Variants in DMXL2 observed in about 807,000 individuals in gnomAD.
DMXL2 encodes dmX-like protein 2.
A neutral mutation model predicts 331.1 loss-of-function variants in DMXL2; 103 were observed. That is an observed-to-expected ratio of 0.31 (90% CI 0.27 to 0.37). The LOEUF (loss-of-function observed/expected upper bound fraction) is 0.37. Among genes scored for constraint, DMXL2 ranks in the 10% least tolerant of loss-of-function variants. DMXL2 has a pLI of 1.00. For synonymous variants in DMXL2, 1,281 were observed against 1,252.1 expected (o/e 1.02, Z -0.49); for missense variants, 3,171 against 3,642.9 (o/e 0.87, Z 3.33).
chr15:51,461,161 A>G (rs566135324), intron 33 of DMXL2, among the ~76,000 whole-genome samples: 1 of 152,348 alleles, frequency 6.6e-6, no homozygotes, highest in East Asian at 1.9e-4. Context: ...TGATGCTTAT[A>G]TAGCACTTTA....
chr15:51,527,162 A>G (rs1408072604), intron 13 of DMXL2, among the ~76,000 whole-genome samples: 1 of 152,140 alleles, frequency 6.6e-6, no homozygotes, highest in African/African-American at 2.4e-5. Context: ...GAAACAAATA[A>G]CATACAGTGG....
chr15:51,591,059 T>C (rs2052277208), intron 1 of DMXL2, among the ~76,000 whole-genome samples: 1 of 152,160 alleles, frequency 6.6e-6, no homozygotes. Context: ...CGGGTTCATC[T>C]CACTGGGGAG....
chr15:51,515,942 G>A (rs562656705), intron 14 of DMXL2, among the ~76,000 whole-genome samples: 1 of 152,264 alleles, frequency 6.6e-6, no homozygotes, highest in East Asian at 1.9e-4. Flanking sequence ...GGGCACTGGG[G>A]ATTAAAAAGT....
chr15:51,537,453 A>C, intron 11 of DMXL2, 35 bp downstream of exon 11: 3 of 1,540,056 alleles, frequency 1.9e-6, no homozygotes, highest in Non-Finnish European at 1.8e-6. Context: ...TACTATTTTA[A>C]GAAATGTAAT....
At chr15:51,457,615 C>A in intron 36 of DMXL2, 149 bp from the exon 37 acceptor site, 1 of 856,966 alleles carries the variant, frequency 1.2e-6, no homozygotes, top group Non-Finnish European at 1.8e-6. Context: ...TCCTAATCGC[C>A]AATGTTAATA....
intron 5 of DMXL2, among the ~76,000 whole-genome samples, chr15:51,563,753 T>A (rs1450298025): frequency 2.0e-5 from 3 of 152,056 alleles, no homozygotes; most frequent in East Asian, 3.9e-4. Flanking sequence ...CATCCCTGAC[T>A]AGTCTTCGTC....
chr15:51,575,989 TAAG>T, intron 2 of DMXL2, 64 bp downstream of exon 2: 1 of 1,457,102 alleles, frequency 6.9e-7, no homozygotes, highest in Non-Finnish European at 9.4e-7. Flanking sequence ...CATAAAAGGA[TAAG>T]AAGATTCTGA....
At chr15:51,535,146 G>A (rs558787345) in intron 13 of DMXL2, among the ~76,000 whole-genome samples, 2 of 152,140 alleles carry the variant, frequency 1.3e-5, no homozygotes, top group East Asian at 3.9e-4. Flanking sequence ...TGTTTTTATA[G>A]GTAAATGGAA....
Position 51,480,099 on chromosome 15 carries a change from G to T in DMXL2, c.6605C>A (p.Pro2202His). The change falls in exon 25 of 44, where the codon CCT (proline) becomes CAT (histidine). Residue 2202 changes from proline (P) to histidine (H), a missense_variant. By Grantham distance (77) the Pro-to-His change is moderately conservative (BLOSUM62 -2). Around this residue, in one of 7 missense-constraint regions of DMXL2, gnomAD observed 197 missense variants for 196.2 expected, o/e 1.00. Transcript: ENST00000560891. The stretch of plus-strand genomic sequence containing the variant: ...TGCTGAAAGCAGAGGTAGGGTGGTA[G>T]GCAGTGGTAGTGGAGACTGGAGCTG... ...VKQLQSPLPL[P>H]TTLPLLSASI... The T allele has an allele frequency of 6.3e-7, 1 of 1,590,200 alleles. No homozygotes were observed. Among genetic ancestry groups the T allele is most frequent in the Non-Finnish European group, 8.6e-7 (1 of 1,161,640 alleles).
intron 1 of DMXL2, among the ~76,000 whole-genome samples, chr15:51,587,582 G>A (rs1479580463): frequency 5.3e-5 from 8 of 152,108 alleles, no homozygotes; most frequent in Admixed American, 6.6e-5. Context: ...TGGATATTTG[G>A]GTTGGTTCCA....
chr15:51,572,374 C>T (rs1405940629), intron 2 of DMXL2, among the ~76,000 whole-genome samples: 1 of 152,024 alleles, frequency 6.6e-6, no homozygotes, highest in Non-Finnish European at 1.5e-5. Context: ...GAGCTGGTAC[C>T]ATTCCTTCTG....
In DMXL2 at chr15:51,503,049, A is replaced by T. The variant is rs763449660; in HGVS notation, c.2765-16T>A. Reference sequence around the variant, plus strand: ...GAAGCTTTAGCTTTAAAAATAAATTATAAAATTACAAAATGTATGTATATC... The same window carrying T: ...GAAGCTTTAGCTTTAAAAATAAATTTTAAAATTACAAAATGTATGTATATC... On this transcript the variant is annotated splice_polypyrimidine_tract_variant and intron_variant, in intron 16 of 43. Transcript: ENST00000560891. 6.6e-7 allele frequency: 1 copy of T among 1,517,752 alleles called. No individual in the cohort carries two copies. The highest frequency in any genetic ancestry group is 9.0e-7 in the Non-Finnish European group (1 of 1,107,880). 94.0% of individuals were successfully genotyped at this position (1,517,752 alleles called of 1,614,324 possible). A position where few individuals can be genotyped will look rare whatever the true frequency, so the allele number is the denominator to read the frequency against.
At chr15:51,552,272 G>T (rs565714378) in intron 6 of DMXL2, among the ~76,000 whole-genome samples, 1,758 of 152,232 alleles carry the variant, frequency 0.012, 28 homozygotes, top group East Asian at 0.026. Context: ...AAGGAGAACG[G>T]CATGTTCAGG....
chr15:51,487,934 G>A lies in DMXL2; in HGVS notation c.5217+20C>T, dbSNP rs748672168. 5.1e-6 allele frequency: 8 copies of A among 1,576,242 alleles called. No homozygotes were observed. The highest frequency in any genetic ancestry group is 6.0e-6 in the Non-Finnish European group (7 of 1,163,970). ...TTCAATCTTTTACAAGTATTATATA[G>A]TGTGTTTTCTTATTTATACCTCTAT... On this transcript the variant is annotated intron_variant, in intron 22 of 43. Transcript: ENST00000560891.
At position 51,474,469 on chromosome 15, in the gene DMXL2, G is replaced by A. The variant is rs2041397224; in HGVS notation, c.7088C>T (p.Thr2363Ile). The change falls in exon 28 of 44, where the codon ACA becomes ATA. Residue 2363 changes from threonine (T) to isoleucine (I), a missense_variant. Transcript: ENST00000560891. Reference protein sequence around the residue: ...YLSLLIHALATNSSSELFRLA... With the variant: ...YLSLLIHALAINSSSELFRLA... ...CCGAAATAATTCACTGGAGGAATTT[G>A]TGGCAAGAGCATGTATCAATAAACT... 6.2e-7 allele frequency: 1 copy of A among 1,614,032 alleles called. No individual in the cohort carries two copies. Among genetic ancestry groups the A allele is most frequent in the Non-Finnish European group, 8.5e-7 (1 of 1,180,014 alleles).
rs1311542176 is a variant in DMXL2 at position 51,536,327 on chromosome 15, G to C, written c.2153C>G (p.Pro718Arg). ...RNAATRTFHD[P>R]NAIYSELILW... Reference sequence around the variant, plus strand: ...AATAAGTTCACTGTAGATTGCATTTGGGTCATGAAATGTACGAGTTGCTGC... The same window carrying C: ...AATAAGTTCACTGTAGATTGCATTTCGGTCATGAAATGTACGAGTTGCTGC... The change falls in exon 12 of 44, where the codon CCA (proline) becomes CGA (arginine). Residue 718 changes from proline to arginine, a missense_variant. By Grantham distance (103) the Pro-to-Arg change is moderately radical. Coordinates refer to ENST00000560891, the MANE Select transcript of DMXL2 (RefSeq NM_001378457.1). 6.2e-7 allele frequency: 1 copy of C among 1,614,030 alleles called. No individual in the cohort carries two copies. Among genetic ancestry groups the C allele is most frequent in the South Asian group, 1.1e-5 (1 of 91,072 alleles).
intron 36 of DMXL2, 94 bp downstream of exon 36, chr15:51,458,412 C>G: frequency 7.3e-7 from 1 of 1,371,344 alleles, no homozygotes; most frequent in Non-Finnish European, 1.0e-6. Context: ...AGGAGATACA[C>G]GTATACCTTT....
At position 51,456,122 on chromosome 15, in the gene DMXL2, G is replaced by A. The variant is rs369157969; in HGVS notation, c.8470C>T (p.Arg2824Cys). The change falls in exon 39 of 44, where the codon CGT (arginine) becomes TGT (cysteine). Residue 2824 changes from arginine to cysteine, a missense_variant. Physicochemically the swap from Arg to Cys is radical, Grantham distance 180. This residue lies in a region of DMXL2 where 766 missense variants were observed against 940.5 expected (regional missense o/e 0.81). Transcript: ENST00000560891. ...WTRPQQLVCF[R>C]QAGNARVTRL... ...GTAACTCTTGCATTGCCAGCTTGAC[G>A]AAAGCAGACAAGTTGCTGAGGCCGC... The A allele has an allele frequency of 6.1e-5, 99 of 1,614,054 alleles. No individual in the cohort carries two copies. The highest frequency in any genetic ancestry group is 6.8e-5 in the Non-Finnish European group (80 of 1,180,038).
Position 51,480,101 on chromosome 15 carries a change from C to T in DMXL2, c.6603G>A (p.Leu2201=). ...TVKQLQSPLP[L]PTTLPLLSAS... The stretch of plus-strand genomic sequence containing the variant: ...CTGAAAGCAGAGGTAGGGTGGTAGG[C>T]AGTGGTAGTGGAGACTGGAGCTGCT... The change falls in exon 25 of 44, where the codon CTG becomes CTA. Residue 2201 remains leucine (L), a synonymous_variant. Coordinates refer to ENST00000560891, the MANE Select transcript of DMXL2 (RefSeq NM_001378457.1). 1 of 1,588,774 alleles carries T rather than the reference C, an allele frequency of 6.3e-7. No individual in the cohort carries two copies. The highest frequency in any genetic ancestry group is 8.6e-7 in the Non-Finnish European group (1 of 1,160,834).
Sources: allele counts gnomAD v4.1 joint callset (sites outside exome capture counted in the v4.1 genomes callset), GRCh38; gene constraint gnomAD v4.1.1; regional missense constraint gnomAD v4.1.1; transcripts MANE v1.5; gene names NCBI Gene and HGNC (gene_info 2026-07-23, HGNC 2026-07-21).